The following UTRN variants were observed in gnomAD, a reference collection of about 807,000 sequenced individuals.
UTRN encodes utrophin, also known as dystrophin-related protein 1.
A neutral mutation model predicts 463.9 loss-of-function variants in UTRN; 283 were observed. The observed-to-expected ratio is 0.61, with a 90% CI of 0.55 to 0.67. UTRN has a LOEUF of 0.67. Among genes scored for constraint, UTRN ranks in the 30% least tolerant of loss-of-function variants. The pLI is 0.00. For synonymous variants in UTRN, 1,442 were observed against 1,431.5 expected (o/e 1.01, Z -0.17); for missense variants, 3,922 against 4,084.3 (o/e 0.96, Z 1.08).
At chr6:144,500,621 G>A (rs920149939) in intron 34 of UTRN, among the ~76,000 whole-genome samples, 5 of 152,146 alleles carry the variant, frequency 3.3e-5, no homozygotes, top group Non-Finnish European at 5.9e-5. Context: ...TGTTTACAAA[G>A]AATTGTGCTG....
At chr6:144,414,525 G>A (rs1784203978) in intron 3 of UTRN, among the ~76,000 whole-genome samples, 1 of 151,980 alleles carries the variant, frequency 6.6e-6, no homozygotes, top group Non-Finnish European at 1.5e-5. Flanking sequence ...GTAATCTAAG[G>A]TTTATTATTG....
intron 2 of UTRN, among the ~76,000 whole-genome samples, chr6:144,372,925 C>T (rs1436938220): frequency 3.3e-5 from 5 of 152,126 alleles, no homozygotes; most frequent in Admixed American, 2.6e-4. Context: ...AGATGGTCAA[C>T]ATCATTAGTC....
At chr6:144,717,810 A>AT (rs1399312968) in intron 53 of UTRN, among the ~76,000 whole-genome samples, 3 of 150,502 alleles carry the variant, frequency 2.0e-5, no homozygotes, top group Non-Finnish European at 4.4e-5. Context: ...TAATTTTTGT[A>AT]TTTTTAGTAG....
At chr6:144,608,023 G>T (rs56039703) in intron 51 of UTRN, among the ~76,000 whole-genome samples, 1 of 152,022 alleles carries the variant, frequency 6.6e-6, no homozygotes, top group African/African-American at 2.4e-5. Flanking sequence ...CCACACTAAT[G>T]TGATTGTTAA....
rs757383460 is a variant in UTRN, at chr6:144,577,037, G to A, written c.7290-62G>A. On this transcript the variant is annotated intron_variant, in intron 50 of 74. Transcript: ENST00000367545. ...TGTTAGTTTTTTATTTAGGGGATGC[G>A]TGATGTGGAATGTCACAACACTGTA... The A allele has an allele frequency of 5.4e-5, 83 of 1,526,688 alleles. No individual in the cohort carries two copies. The South Asian group carries it at 5.9e-4, about 11-fold the overall frequency. 94.6% of individuals were successfully genotyped at this position (1,526,688 alleles called of 1,614,324 possible).
At chr6:144,382,609 T>A (rs1013355606) in intron 2 of UTRN, among the ~76,000 whole-genome samples, 11 of 152,222 alleles carry the variant, frequency 7.2e-5, no homozygotes, top group Non-Finnish European at 1.0e-4. Context: ...GTTTAAGGGT[T>A]GCATTTTTAC....
chr6:144,334,440 ACT>A (rs142466968), intron 2 of UTRN, among the ~76,000 whole-genome samples: 9,083 of 151,288 alleles, frequency 0.06, 873 homozygotes, highest in African/African-American at 0.21. Flanking sequence ...GTGTTGCGTC[ACT>A]CTGTCATCTG....
chr6:144,380,669 G>C (rs939580832), intron 2 of UTRN, among the ~76,000 whole-genome samples: 23 of 152,072 alleles, frequency 1.5e-4, no homozygotes, highest in African/African-American at 5.6e-4. Context: ...TAAAATATTA[G>C]CTGGGCTTGG....
In UTRN at chr6:144,678,434, A is replaced by G. The variant is rs1276210456; in HGVS notation, c.7508A>G (p.Asn2503Ser). Residue 2503 changes from asparagine (N) to serine (S), a missense_variant, in exon 52 of 75, where the codon AAT becomes AGT. Physicochemically the swap from Asn to Ser is conservative, Grantham distance 46. This residue lies in a region of UTRN where 1,309 missense variants were observed against 1,452.6 expected (regional missense o/e 0.90). Coordinates refer to ENST00000367545, the MANE Select transcript of UTRN (RefSeq NM_007124.3). ...ATCCAGGCAGAAATTGATGCCCACA[A>G]TGACATATTTAAAAGCATTGACGGA... Reference protein sequence around the residue: ...QDIQAEIDAHNDIFKSIDGNR... With the variant: ...QDIQAEIDAHSDIFKSIDGNR... 1.9e-6 allele frequency: 3 copies of G among 1,612,704 alleles called. No individual in the cohort carries two copies. The highest frequency in any genetic ancestry group is 3.3e-5 in the Admixed American group (2 of 59,888).
Position 144,456,848 on chromosome 6 carries a change from T to C in UTRN, c.2285-1922T>C, listed in dbSNP as rs114396879. ...TGGCTTTATGAATCAATGCCCATTG[T>C]GGTTGCCTAAGCATATAAGCCCAGG... is the stretch of plus-strand genomic sequence containing the variant. On this transcript the variant is annotated intron_variant, in intron 19 of 74. Transcript: ENST00000367545. Among the ~76,000 whole-genome samples the C allele has an allele frequency of 1.8e-3, 271 of 152,190 alleles. 2 individuals are homozygous for C. Among genetic ancestry groups the C allele is most frequent in the African/African-American group, 6.4e-3 (264 of 41,544 alleles).
At chr6:144,526,608 A>G (rs1194586189) in intron 41 of UTRN, among the ~76,000 whole-genome samples, 2 of 152,100 alleles carry the variant, frequency 1.3e-5, no homozygotes, top group African/African-American at 4.8e-5. Flanking sequence ...GACAGCAGTT[A>G]CTTGGTTGGT....
chr6:144,767,149 G>T (rs1191161584), intron 58 of UTRN, among the ~76,000 whole-genome samples: 1 of 152,160 alleles, frequency 6.6e-6, no homozygotes, highest in Admixed American at 6.6e-5. Flanking sequence ...GTTTGGGAAA[G>T]CAAGTTTATT....
In UTRN at chr6:144,548,839, C is replaced by A. The variant is rs199667784; in HGVS notation, c.6795C>A (p.Thr2265=). ...TVGDVEEINK[T]VSRMKITKAD... is the part of the protein sequence containing the mutation. ...GGGATGTAGAAGAGATCAATAAGAC[C>A]GTTTCCCGAATGAAAGTAGGTGCAT... The change falls in exon 47 of 75, where the codon ACC becomes ACA. Residue 2265 remains threonine (T), a synonymous_variant. Transcript: ENST00000367545. The A allele has an allele frequency of 3.1e-6, 5 of 1,613,714 alleles. No individual in the cohort carries two copies. The highest frequency in any genetic ancestry group is 2.7e-5 in the African/African-American group (2 of 74,904).
At chr6:144,725,226 T>G (rs1310094454) in intron 53 of UTRN, among the ~76,000 whole-genome samples, 1 of 152,236 alleles carries the variant, frequency 6.6e-6, no homozygotes, top group Non-Finnish European at 1.5e-5. Flanking sequence ...CATGCTGTCT[T>G]GCCTCCCGCC....
At chr6:144,816,751 A>AT (rs1344759919) in intron 65 of UTRN, among the ~76,000 whole-genome samples, 1 of 85,818 alleles carries the variant, frequency 1.2e-5, no homozygotes, top group Non-Finnish European at 2.2e-5. Context: ...TTTTTTTTAA[A>AT]TTTTTTTTTA....
chr6:144,393,791 T>A (rs77227918), intron 2 of UTRN, among the ~76,000 whole-genome samples: 2,033 of 151,960 alleles, frequency 0.013, 37 homozygotes, highest in African/African-American at 0.046. Context: ...AATGATGGGG[T>A]GTAGTAAAGA....
chr6:144,661,457 C>T (rs138531117), intron 51 of UTRN, among the ~76,000 whole-genome samples: 1 of 152,176 alleles, frequency 6.6e-6, no homozygotes, highest in Non-Finnish European at 1.5e-5. Flanking sequence ...AGGCTTGTAA[C>T]ACAGGGCGGA....
intron 51 of UTRN, among the ~76,000 whole-genome samples, chr6:144,638,630 G>A (rs1777441768): frequency 6.6e-6 from 1 of 152,138 alleles, no homozygotes; most frequent in Admixed American, 6.5e-5. Context: ...GGGTATATCT[G>A]TTTGGAAAAT....
At chr6:144,771,636 G>T (rs1794028775) in intron 58 of UTRN, among the ~76,000 whole-genome samples, 1 of 151,824 alleles carries the variant, frequency 6.6e-6, no homozygotes, top group Admixed American at 6.6e-5. Context: ...ATATTGGCCA[G>T]GCTTGTCTCA....
Sources: gnomAD v4.1 joint callset for allele counts (sites outside exome capture counted in the v4.1 genomes callset) on GRCh38, gnomAD v4.1.1 for gene constraint, gnomAD v4.1.1 regional missense constraint, MANE v1.5 for transcripts, NCBI Gene and HGNC (gene_info 2026-07-23, HGNC 2026-07-21) for gene names.